TNFRSF17: variants seen among roughly 807,000 people sequenced by gnomAD.
TNFRSF17 encodes the protein tumor necrosis factor receptor superfamily member 17.
TNFRSF17 carries 13 observed loss-of-function variants against 9.9 expected under a neutral mutation model. That is an observed-to-expected ratio of 1.31 (90% CI 0.85 to 2.08). TNFRSF17 has a LOEUF of 2.08. Ranked by LOEUF, TNFRSF17 falls within the 30% of genes most tolerant of loss-of-function variation. The probability of loss-of-function intolerance (pLI) is 0.00; values close to 1 mark genes in which losing one functional copy is unlikely to be tolerated. For missense variants in TNFRSF17, 305 were observed against 225.8 expected (o/e 1.35, Z -2.25); for synonymous variants, 99 against 83.7 (o/e 1.18, Z -1.00).
Position 11,968,064 on chromosome 16 carries a change from C to A in TNFRSF17, c.*217C>A. ...GTTTCATGATTAAACTCTTTTTTTT[C>A]CTGACATCTAAGTTTTTATTAACGT... On this transcript the variant is annotated 3_prime_UTR_variant, in exon 3 of 3. Coordinates refer to ENST00000053243, the MANE Select transcript of TNFRSF17 (RefSeq NM_001192.3). 4.0e-6 allele frequency: 2 copies of A among 504,928 alleles called. No individual in the cohort carries two copies. The highest frequency in any genetic ancestry group is 6.8e-6 in the Non-Finnish European group (2 of 295,992). The allele number at this position is 504,928 out of a possible 1,614,324, so 31.3% of individuals were successfully genotyped here. A position where few individuals can be genotyped will look rare whatever the true frequency, so the allele number is the denominator to read the frequency against.
In TNFRSF17 at chr16:11,967,699, C is replaced by A. The variant is rs374377405; in HGVS notation, c.407C>A (p.Pro136Gln). The change falls in exon 3 of 3, where the codon CCG (proline) becomes CAG (glutamine). Residue 136 changes from proline to glutamine, a missense_variant. By Grantham distance (76) the Pro-to-Gln change is moderately conservative. Coordinates refer to ENST00000053243, the MANE Select transcript of TNFRSF17 (RefSeq NM_001192.3). ...TGTGAAGACTGCATCAAGAGCAAAC[C>A]GAAGGTCGACTCTGACCATTGCTTT... ...CTCEDCIKSK[P>Q]KVDSDHCFPL... 1 of 1,614,152 alleles carries A rather than the reference C, an allele frequency of 6.2e-7. No individual in the cohort carries two copies. The highest frequency in any genetic ancestry group is 1.7e-5 in the Admixed American group (1 of 60,004).
chr16:11,965,859 C>A (rs12929291), intron 1 of TNFRSF17, among the ~76,000 whole-genome samples: 189 of 152,258 alleles, frequency 1.2e-3, no homozygotes, highest in South Asian at 5.0e-3. Flanking sequence ...CCTGTAATCC[C>A]AGCACTTTGG....
At chr16:11,966,046 G>T (rs539337453) in intron 1 of TNFRSF17, 149 bp from the exon 2 acceptor site, 1 of 602,842 alleles carries the variant, frequency 1.7e-6, no homozygotes, top group Middle Eastern at 5.0e-4. Context: ...GGGAGGTGGA[G>T]GTTGCAGTGA....
chr16:11,966,295 A>G lies in TNFRSF17; in HGVS notation c.231A>G (p.Leu77=). 5.0e-6 allele frequency: 8 copies of G among 1,614,030 alleles called. No individual in the cohort carries two copies. Among genetic ancestry groups the G allele is most frequent in the Non-Finnish European group, 5.9e-6 (7 of 1,179,936 alleles). ...SLAVFVLMFL[L]RKINSEPLKD... ...CAGTTTTCGTGCTAATGTTTTTGCT[A>G]AGGAAGATAAACTCTGAACCATTAA... The change falls in exon 2 of 3, where the codon CTA becomes CTG. Residue 77 remains leucine, a synonymous_variant. Transcript: ENST00000053243.
intron 2 of TNFRSF17, 138 bp from the exon 3 acceptor site, chr16:11,967,432 C>T: frequency 1.2e-6 from 1 of 849,054 alleles, no homozygotes; most frequent in South Asian, 1.8e-5. Flanking sequence ...GCAGCCTGGG[C>T]AACACAGTAA....
chr16:11,968,048 T>C lies in TNFRSF17; in HGVS notation c.*201T>C. On this transcript the variant is annotated 3_prime_UTR_variant, in exon 3 of 3. Coordinates refer to ENST00000053243, the MANE Select transcript of TNFRSF17 (RefSeq NM_001192.3). The stretch of plus-strand genomic sequence containing the variant: ...GGTAGAAACTTCCTTGGTTTCATGA[T>C]TAAACTCTTTTTTTTCCTGACATCT... 1.7e-6 allele frequency: 1 copy of C among 582,978 alleles called. No homozygotes were observed. The highest frequency in any genetic ancestry group is 2.8e-6 in the Non-Finnish European group (1 of 356,662). 36.1% of individuals were successfully genotyped at this position (582,978 alleles called of 1,614,324 possible). A position where few individuals can be genotyped will look rare whatever the true frequency, so the allele number is the denominator to read the frequency against.
intron 2 of TNFRSF17, 124 bp from the exon 3 acceptor site, chr16:11,967,446 C>T (rs2055203741): frequency 6.1e-6 from 6 of 986,492 alleles, no homozygotes; most frequent in African/African-American, 3.2e-5. Context: ...ACAGTAAGAC[C>T]CCACCTCTAA....
At chr16:11,966,025 T>C (rs432140) in intron 1 of TNFRSF17, among the ~76,000 whole-genome samples, 170 bp from the exon 2 acceptor site, 150,067 of 152,234 alleles carry the variant, frequency 0.99, 74,007 homozygotes, top group East Asian at 1. Context: ...GCAGGAGAAT[T>C]GTTTGAACTT....
Position 11,965,345 on chromosome 16 carries a change from G to C in TNFRSF17, c.21G>C (p.Gln7His). Residue 7 changes from glutamine to histidine, a missense_variant, in exon 1 of 3, where the codon CAG becomes CAC. By Grantham distance (24) the Gln-to-His change is conservative. Coordinates refer to ENST00000053243, the MANE Select transcript of TNFRSF17 (RefSeq NM_001192.3). The part of the protein sequence containing the change: MLQMAG[Q>H]CSQNEYFDSL... ...TGATCATGTTGCAGATGGCTGGGCA[G>C]TGCTCCCAAAATGAATATTTTGACA... The C allele has an allele frequency of 6.2e-7, 1 of 1,614,200 alleles. No homozygotes were observed. Among genetic ancestry groups the C allele is most frequent in the South Asian group, 1.1e-5 (1 of 91,088 alleles).
Position 11,965,211 on chromosome 16 carries a change from T to C in TNFRSF17, c.-114T>C. On this transcript the variant is annotated 5_prime_UTR_variant, in exon 1 of 3. Coordinates refer to ENST00000053243, the MANE Select transcript of TNFRSF17 (RefSeq NM_001192.3). ...GAACCCACGAAGCAGGCGAAGTTCA[T>C]TGTTCTCAACATTCTAGCTGCTCTT... is the stretch of plus-strand genomic sequence containing the variant. 4 of 1,423,814 alleles carry C rather than the reference T, an allele frequency of 2.8e-6. No homozygotes were observed. The South Asian group carries it at 4.0e-5, about 14-fold the overall frequency. 88.2% of individuals were successfully genotyped at this position (1,423,814 alleles called of 1,614,324 possible).
At chr16:11,966,144 G>T (rs773476880) in intron 1 of TNFRSF17, 51 bp from the exon 2 acceptor site, 109 of 1,500,924 alleles carry the variant, frequency 7.3e-5, no homozygotes, top group Non-Finnish European at 9.1e-5. Flanking sequence ...AATAAAGTAT[G>T]TGAATATTAT....
Position 11,967,769 on chromosome 16 carries a change from G to A in TNFRSF17, c.477G>A (p.Thr159=), listed in dbSNP as rs2017662. ...MEEGATILVT[T]KTNDYCKSLP... ...AAGGCGCAACCATTCTTGTCACCAC[G>A]AAAACGAATGACTATTGCAAGAGCC... is the stretch of plus-strand genomic sequence containing the variant. The change falls in exon 3 of 3, where the codon ACG becomes ACA. Residue 159 remains threonine, a synonymous_variant. Transcript: ENST00000053243. 112,864 of 1,614,082 alleles carry A rather than the reference G, an allele frequency of 0.07. 7,062 individuals carry two copies. Among genetic ancestry groups the A allele is most frequent in the Admixed American group, 0.28 (16,517 of 59,992 alleles).
chr16:11,966,927 C>G (rs11570153), intron 2 of TNFRSF17: 2,289 of 154,792 alleles, frequency 0.015, 48 homozygotes, highest in African/African-American at 0.051. Flanking sequence ...AGCACCTTTG[C>G]TCATGATTGG....
chr16:11,965,548 G>T (rs576185838), intron 1 of TNFRSF17, 94 bp downstream of exon 1: 2 of 1,305,770 alleles, frequency 1.5e-6, no homozygotes, highest in Non-Finnish European at 2.1e-6. Context: ...GGGCATGATG[G>T]TGAGTTTTCT....
intron 1 of TNFRSF17, 42 bp downstream of exon 1, chr16:11,965,496 A>G (rs1214041882): frequency 6.2e-7 from 1 of 1,603,998 alleles, no homozygotes; most frequent in South Asian, 1.1e-5. Context: ...GGTGTGAACT[A>G]TTCTGTCTAT....
In TNFRSF17 at chr16:11,967,797, C is replaced by T; in HGVS notation, c.505C>T (p.Pro169Ser). 1 of 1,614,192 alleles carries T rather than the reference C, an allele frequency of 6.2e-7. No homozygotes were observed. The part of the protein sequence containing the change: ...TKTNDYCKSL[P>S]AALSATEIEK... ...AACGAATGACTATTGCAAGAGCCTG[C>T]CAGCTGCTTTGAGTGCTACGGAGAT... The change falls in exon 3 of 3, where the codon CCA (proline) becomes TCA (serine). Residue 169 changes from proline (P) to serine (S), a missense_variant. Transcript: ENST00000053243.
rs11570141 is a variant in TNFRSF17 at position 11,965,508 on chromosome 16, T to C, written c.130+54T>C. 1.9e-4 allele frequency: 290 copies of C among 1,566,792 alleles called. 1 individual carries two copies. In the South Asian group the frequency reaches 3.2e-3, roughly 17 times the overall value. On this transcript the variant is annotated intron_variant, in intron 1 of 2. Coordinates refer to ENST00000053243, the MANE Select transcript of TNFRSF17 (RefSeq NM_001192.3). ...ATTGGTGTGAACTATTCTGTCTATATGGACTGCTTATTCAGAGAATCAACA... is the reference window on the plus strand; with the variant it reads ...ATTGGTGTGAACTATTCTGTCTATACGGACTGCTTATTCAGAGAATCAACA...
rs752610824 is a variant in TNFRSF17 at position 11,965,440 on chromosome 16, G to A, written c.116G>A (p.Arg39His). 3.7e-6 allele frequency: 6 copies of A among 1,614,050 alleles called. No individual in the cohort carries two copies. The highest frequency in any genetic ancestry group is 2.2e-5 in the East Asian group (1 of 44,872). ...SSNTPPLTCQ[R>H]YCNASVTNSV... is the part of the protein sequence containing the mutation. Reference sequence around the variant, plus strand: ...AATACTCCTCCTCTAACATGTCAGCGTTATTGTAATGCAAGTAAGTAATAT... The same window carrying A: ...AATACTCCTCCTCTAACATGTCAGCATTATTGTAATGCAAGTAAGTAATAT... The change falls in exon 1 of 3, where the codon CGT becomes CAT. Residue 39 changes from arginine to histidine, a missense_variant. Arg to His is a conservative substitution (Grantham distance 29). Coordinates refer to ENST00000053243, the MANE Select transcript of TNFRSF17 (RefSeq NM_001192.3).
At position 11,967,635 on chromosome 16, in the gene TNFRSF17, C is replaced by A; in HGVS notation, c.343C>A (p.Leu115Ile). 6.2e-7 allele frequency: 1 copy of A among 1,614,150 alleles called. No homozygotes were observed. Among genetic ancestry groups the A allele is most frequent in the Non-Finnish European group, 8.5e-7 (1 of 1,180,022 alleles). The change falls in exon 3 of 3, where the codon CTT becomes ATT. Residue 115 changes from leucine (L) to isoleucine (I), a missense_variant. Leu to Ile is a conservative substitution (Grantham distance 5, BLOSUM62 2). Coordinates refer to ENST00000053243, the MANE Select transcript of TNFRSF17 (RefSeq NM_001192.3). ...EKSRTGDEII[L>I]PRGLEYTVEE... ...GAGCAGGACTGGTGATGAAATTATT[C>A]TTCCGAGAGGCCTCGAGTACACGGT...
Sources: allele counts gnomAD v4.1 joint callset (sites outside exome capture counted in the v4.1 genomes callset), GRCh38; gene constraint gnomAD v4.1.1; transcripts MANE v1.5; gene names NCBI Gene and HGNC (gene_info 2026-07-23, HGNC 2026-07-21).